Variants in KDM2A observed in about 807,000 individuals in gnomAD.
KDM2A encodes lysine demethylase 2A.
Under a neutral mutation model 137.3 loss-of-function variants are expected in KDM2A, and 3 were observed. The observed-to-expected ratio is 0.02, with a 90% CI of 0.01 to 0.06. KDM2A has a LOEUF of 0.06. KDM2A is among the 10% of genes least tolerant of loss of function. KDM2A has a pLI of 1.00. For missense variants in KDM2A, 738 were observed against 1,510.6 expected, an observed-to-expected ratio of 0.49 and a Z score of 8.48; for synonymous variants, 512 against 541.5, an observed-to-expected ratio of 0.95 and a Z score of 0.76.
chr11:67,181,252 C>T, intron 3 of KDM2A, 68 bp from the exon 4 acceptor site: 1 of 1,004,548 alleles, frequency 1.0e-6, no homozygotes, highest in Non-Finnish European at 1.5e-6. Flanking sequence ...ACTTAGGATC[C>T]TTTTTATGGT....
At chr11:67,168,951 G>GTT (rs11335055) in intron 2 of KDM2A, among the ~76,000 whole-genome samples, 31 of 62,212 alleles carry the variant, frequency 5.0e-4, no homozygotes, top group African/African-American at 1.4e-3. Flanking sequence ...AATCCATGTA[G>GTT]TTTTTTTTTT....
chr11:67,208,352 C>T (rs1016542923), intron 6 of KDM2A, among the ~76,000 whole-genome samples: 5 of 151,774 alleles, frequency 3.3e-5, no homozygotes, highest in Non-Finnish European at 7.4e-5. Context: ...GGATTACAGG[C>T]GTGAGCCACC....
chr11:67,204,820 G>A (rs1271109497), intron 5 of KDM2A, among the ~76,000 whole-genome samples: 3 of 152,132 alleles, frequency 2.0e-5, no homozygotes, highest in Non-Finnish European at 2.9e-5. Flanking sequence ...GTATATCCAT[G>A]TTGTAGCATG....
At chr11:67,212,492 G>A (rs373104241) in intron 6 of KDM2A, among the ~76,000 whole-genome samples, 2 of 152,256 alleles carry the variant, frequency 1.3e-5, no homozygotes, top group African/African-American at 4.8e-5. Context: ...GGGGAAATAA[G>A]TTCATGGAAG....
chr11:67,247,422 CTTTTTTT>C (rs56012601), intron 15 of KDM2A, among the ~76,000 whole-genome samples: 3 of 84,528 alleles, frequency 3.5e-5, no homozygotes, highest in Admixed American at 1.8e-4. Context: ...GCATTACAAT[CTTTTTTT>C]TTTTTTTTTT....
chr11:67,198,229 C>T (rs943976000), intron 5 of KDM2A, among the ~76,000 whole-genome samples: 2 of 151,986 alleles, frequency 1.3e-5, no homozygotes, highest in African/African-American at 4.8e-5. Context: ...TTAGCTATTA[C>T]TTTGACCATC....
At chr11:67,193,071 C>A (rs1256524787) in intron 5 of KDM2A, among the ~76,000 whole-genome samples, 3 of 152,140 alleles carry the variant, frequency 2.0e-5, no homozygotes, top group African/African-American at 7.2e-5. Context: ...CTTACTGCAA[C>A]CTCCGCCTCC....
chr11:67,189,259 G>A (rs1857285560), intron 5 of KDM2A, among the ~76,000 whole-genome samples: 1 of 152,104 alleles, frequency 6.6e-6, no homozygotes, highest in Admixed American at 6.5e-5. Flanking sequence ...AGGTAAAACT[G>A]GAAAGGTCAC....
At chr11:67,145,880 A>ATT (rs78455991) in intron 2 of KDM2A, among the ~76,000 whole-genome samples, 11 of 137,456 alleles carry the variant, frequency 8.0e-5, no homozygotes, top group African/African-American at 2.4e-4. Flanking sequence ...TCCTTTGGGA[A>ATT]TTTTTTTTTT....
chr11:67,209,083 C>T lies in KDM2A; in HGVS notation c.486+1395C>T, dbSNP rs1168359555. Among the ~76,000 whole-genome samples the T allele has an allele frequency of 2.6e-5, 4 of 151,726 alleles. No individual in the cohort carries two copies. In the East Asian group the frequency reaches 7.8e-4, roughly 30 times the overall value. On this transcript the variant is annotated intron_variant, in intron 6 of 20. Coordinates refer to ENST00000529006, the MANE Select transcript of KDM2A (RefSeq NM_012308.3). Reference sequence around the variant, plus strand: ...CCTGAGTAGCTGAGACTACAGGCCACCATGCACTGCTAATTTTTGTATTTT... The same window carrying T: ...CCTGAGTAGCTGAGACTACAGGCCATCATGCACTGCTAATTTTTGTATTTT...
chr11:67,136,280 G>C (rs908894019), intron 2 of KDM2A, among the ~76,000 whole-genome samples: 1 of 152,168 alleles, frequency 6.6e-6, no homozygotes, highest in African/African-American at 2.4e-5. Flanking sequence ...AAGTGTCTCA[G>C]ATTATCCAGT....
At chr11:67,144,727 C>T (rs1856204179) in intron 2 of KDM2A, among the ~76,000 whole-genome samples, 1 of 151,174 alleles carries the variant, frequency 6.6e-6, no homozygotes, top group East Asian at 2.0e-4. Flanking sequence ...CGAAGCCCAG[C>T]TAATATTTGG....
intron 2 of KDM2A, among the ~76,000 whole-genome samples, chr11:67,157,338 A>C (rs1340328018): frequency 2.6e-5 from 4 of 151,094 alleles, no homozygotes; most frequent in African/African-American, 4.9e-5. Flanking sequence ...AAAACAAAAA[A>C]CACCACACAG....
chr11:67,247,081 T>A (rs1179998542), intron 15 of KDM2A, among the ~76,000 whole-genome samples: 15 of 83,104 alleles, frequency 1.8e-4, no homozygotes, highest in East Asian at 7.6e-4. Context: ...ATTTTTTTTT[T>A]TTTTTTTTTT....
At chr11:67,187,056 G>A (rs1224276672) in intron 5 of KDM2A, among the ~76,000 whole-genome samples, 10 of 152,212 alleles carry the variant, frequency 6.6e-5, no homozygotes, top group African/African-American at 9.7e-5. Flanking sequence ...TCTTTGAATA[G>A]TAGTGAAGTC....
At chr11:67,169,736 TC>T (rs1856834936) in intron 2 of KDM2A, among the ~76,000 whole-genome samples, 5 of 22,154 alleles carry the variant, frequency 2.3e-4, no homozygotes, top group African/African-American at 3.8e-4. Context: ...TCTCTCCTTC[TC>T]TCTCTCTCTC....
chr11:67,156,696 G>A (rs1856522385), intron 2 of KDM2A, among the ~76,000 whole-genome samples: 1 of 145,504 alleles, frequency 6.9e-6, no homozygotes, highest in East Asian at 2.0e-4. Flanking sequence ...TCCAGCCTGG[G>A]CAACAGAGCG....
Position 67,245,770 on chromosome 11 carries a change from A to G in KDM2A, c.1834-215A>G. On this transcript the variant is annotated intron_variant, in intron 14 of 20. Transcript: ENST00000529006. This position sits in a 1 kb window ranked among gnomAD's most constrained non-coding sequence, Gnocchi z 4.1. Reference sequence around the variant, plus strand: ...GGGAGGCCAAGTATAGGCCAACTGAAAATAAACTAGTCTCTGGTGCCCAGG... The same window carrying G: ...GGGAGGCCAAGTATAGGCCAACTGAGAATAAACTAGTCTCTGGTGCCCAGG... The G allele has an allele frequency of 1.6e-6, 1 of 618,150 alleles. No individual in the cohort carries two copies. The highest frequency in any genetic ancestry group is 2.9e-5 in the East Asian group (1 of 35,072). The allele number at this position is 618,150 out of a possible 1,614,324, so 38.3% of individuals were successfully genotyped here.
intron 3 of KDM2A, among the ~76,000 whole-genome samples, chr11:67,180,628 A>G (rs551301653): frequency 6.6e-6 from 1 of 152,090 alleles, no homozygotes; most frequent in South Asian, 2.1e-4. Flanking sequence ...TCATATATGT[A>G]TTGTAGTGGT....
Sources: allele counts gnomAD v4.1 joint callset (sites outside exome capture counted in the v4.1 genomes callset), GRCh38; gene constraint gnomAD v4.1.1; non-coding constraint Gnocchi (gnomAD v3.1); transcripts MANE v1.5; gene names NCBI Gene and HGNC (gene_info 2026-07-23, HGNC 2026-07-21).